The following QTMAN variants were observed in gnomAD, a reference collection of about 807,000 sequenced individuals.
QTMAN encodes the protein queuosine-tRNA mannosyltransferase.
the QTMAN span, among the ~76,000 whole-genome samples, chr2:144,129,828 A>G: frequency 6.6e-6 from 1 of 152,006 alleles, no homozygotes; most frequent in Non-Finnish European, 1.5e-5. Flanking sequence ...TAGTACTGAT[A>G]AACAGAAATC....
At chr2:144,169,826 C>T in the QTMAN span, among the ~76,000 whole-genome samples, 2 of 151,922 alleles carry the variant, frequency 1.3e-5, no homozygotes, top group African/African-American at 4.8e-5. Flanking sequence ...AGCTTGACTT[C>T]ATTAATAATG....
the QTMAN span, among the ~76,000 whole-genome samples, chr2:144,117,491 A>G: frequency 6.6e-6 from 1 of 152,342 alleles, no homozygotes; most frequent in African/African-American, 2.4e-5. Flanking sequence ...TCAGACTCCG[A>G]AATTAACACG....
the QTMAN span, among the ~76,000 whole-genome samples, chr2:144,090,156 C>T: frequency 6.6e-6 from 1 of 151,990 alleles, no homozygotes; most frequent in Admixed American, 6.5e-5. Context: ...GATTTGATGA[C>T]ATCCAATATC....
At chr2:144,109,601 G>A in the QTMAN span, among the ~76,000 whole-genome samples, 10 of 152,000 alleles carry the variant, frequency 6.6e-5, no homozygotes, top group South Asian at 2.1e-3. Context: ...CCATCAGAGT[G>A]AACAGGCAAC....
At chr2:143,983,566 G>C in the QTMAN span, among the ~76,000 whole-genome samples, 4 of 143,376 alleles carry the variant, frequency 2.8e-5, no homozygotes, top group Non-Finnish European at 4.5e-5. Flanking sequence ...TTCGCCTCCC[G>C]GGTTCACGCC....
chr2:144,221,161 C>A, the QTMAN span, among the ~76,000 whole-genome samples: 1 of 152,344 alleles, frequency 6.6e-6, no homozygotes, highest in South Asian at 2.1e-4. Context: ...ACCCAATCGA[C>A]TAATACATAT....
chr2:144,103,646 T>C, the QTMAN span, among the ~76,000 whole-genome samples: 3 of 152,078 alleles, frequency 2.0e-5, no homozygotes, highest in South Asian at 6.2e-4. Flanking sequence ...TAAAATAAAA[T>C]AAAATAAAAC....
the QTMAN span, among the ~76,000 whole-genome samples, chr2:144,104,412 C>A: frequency 1.3e-5 from 2 of 152,192 alleles, no homozygotes; most frequent in African/African-American, 4.8e-5. Context: ...CCCACCCTAA[C>A]GCTGCACTTT....
chr2:143,974,589 T>A, the QTMAN span, among the ~76,000 whole-genome samples: 1 of 152,220 alleles, frequency 6.6e-6, no homozygotes, highest in Non-Finnish European at 1.5e-5. Flanking sequence ...AGTGGCATGA[T>A]CTGTGTAATC....
chr2:144,020,413 C>T, the QTMAN span, among the ~76,000 whole-genome samples: 3 of 152,212 alleles, frequency 2.0e-5, no homozygotes, highest in African/African-American at 7.2e-5. Flanking sequence ...AATGTACTGA[C>T]AGGCACTGGG....
chr2:144,293,407 A>C, the QTMAN span, among the ~76,000 whole-genome samples: 1 of 152,216 alleles, frequency 6.6e-6, no homozygotes, highest in Non-Finnish European at 1.5e-5. Context: ...ATGCATGCAT[A>C]TATATGCTTA....
At chr2:144,079,520 C>T in the QTMAN span, among the ~76,000 whole-genome samples, 3 of 152,018 alleles carry the variant, frequency 2.0e-5, no homozygotes, top group Non-Finnish European at 4.4e-5. Context: ...CAATGCTCTG[C>T]AACATAATTA....
At chr2:143,985,228 C>T in the QTMAN span, among the ~76,000 whole-genome samples, 1 of 152,336 alleles carries the variant, frequency 6.6e-6, no homozygotes, top group South Asian at 2.1e-4. Flanking sequence ...TTCCCACACC[C>T]CCTGGCTTGT....
the QTMAN span, chr2:143,944,662 T>A: frequency 2.0e-5 from 3 of 152,256 alleles, no homozygotes; most frequent in Non-Finnish European, 4.4e-5. Flanking sequence ...GCCAGGATGG[T>A]CTCGATCTCC....
At chr2:144,243,976 C>G in the QTMAN span, among the ~76,000 whole-genome samples, 2 of 152,118 alleles carry the variant, frequency 1.3e-5, no homozygotes, top group Non-Finnish European at 2.9e-5. Context: ...TACCTGCTGT[C>G]AAGAAACAAA....
At chr2:144,031,569 A>G in the QTMAN span, among the ~76,000 whole-genome samples, 10 of 152,272 alleles carry the variant, frequency 6.6e-5, no homozygotes, top group East Asian at 1.5e-3. Flanking sequence ...GAAGCCATGG[A>G]GGATAAAACA....
chr2:144,295,802 C>T, the QTMAN span, among the ~76,000 whole-genome samples: 1 of 151,786 alleles, frequency 6.6e-6, no homozygotes, highest in Admixed American at 6.6e-5. Flanking sequence ...TTTGTAGAGA[C>T]GGGATCTCAC....
chr2:144,146,094 C>T, the QTMAN span, among the ~76,000 whole-genome samples: 5 of 147,842 alleles, frequency 3.4e-5, no homozygotes, highest in South Asian at 1.1e-3. Flanking sequence ...AGACTGACTG[C>T]GGAATACTTT....
chr2:144,246,798 T>C, the QTMAN span, among the ~76,000 whole-genome samples: 22 of 152,078 alleles, frequency 1.4e-4, no homozygotes, highest in Non-Finnish European at 3.2e-4. Flanking sequence ...ATCCTCCTCA[T>C]CTTTACAGTT....
Sources: gnomAD v4.1 joint callset for allele counts (sites outside exome capture counted in the v4.1 genomes callset) on GRCh38, gnomAD v4.1.1 for gene constraint, MANE v1.5 for transcripts, NCBI Gene and HGNC (gene_info 2026-07-23, HGNC 2026-07-21) for gene names.